HELLS: variants seen among roughly 807,000 people sequenced by gnomAD.
HELLS encodes lymphoid-specific helicase.
A neutral mutation model predicts 120.0 loss-of-function variants in HELLS; 32 were observed. The ratio of observed to expected loss-of-function variants is 0.27; its 90% CI spans 0.20 to 0.36. The LOEUF is 0.36. Ranked by LOEUF, HELLS falls within the 10% of genes least tolerant of loss-of-function variation. The pLI is 1.00. For missense variants in HELLS, 650 were observed against 993.4 expected, an observed-to-expected ratio of 0.65 and a Z score of 4.65; for synonymous variants, 341 against 323.4, an observed-to-expected ratio of 1.05 and a Z score of -0.58.
intron 7 of HELLS, 85 bp downstream of exon 7, chr10:94,571,514 C>T (rs564181080): frequency 2.5e-5 from 28 of 1,110,576 alleles, no homozygotes; most frequent in African/African-American, 3.2e-5. Flanking sequence ...CAGCAGTATA[C>T]GTTCTTCTCA....
chr10:94,567,520 A>T (rs1369727795), intron 6 of HELLS, among the ~76,000 whole-genome samples: 1 of 151,482 alleles, frequency 6.6e-6, no homozygotes, highest in Non-Finnish European at 1.5e-5. Flanking sequence ...CTGGTCTCGA[A>T]CTCCCGATCT....
chr10:94,576,276 G>C (rs983405552), intron 9 of HELLS, among the ~76,000 whole-genome samples: 3 of 152,046 alleles, frequency 2.0e-5, no homozygotes, highest in Admixed American at 2.0e-4. Flanking sequence ...ACTCCACTGG[G>C]TGAGTAGCTG....
At chr10:94,557,551 GAGAGAAT>G (rs1488248607) in intron 3 of HELLS, among the ~76,000 whole-genome samples, 1 of 152,298 alleles carries the variant, frequency 6.6e-6, no homozygotes, top group East Asian at 1.9e-4. Flanking sequence ...TACTTTGGCT[GAGAGAAT>G]GTGAGGTATA....
chr10:94,584,196 T>G (rs1304769029), intron 12 of HELLS: 1 of 524,976 alleles, frequency 1.9e-6, no homozygotes, highest in African/African-American at 2.0e-5. Context: ...GTTTATTGAC[T>G]ATTGGTAGTT....
intron 6 of HELLS, among the ~76,000 whole-genome samples, chr10:94,566,548 G>A (rs866972988): frequency 1.3e-5 from 2 of 152,252 alleles, no homozygotes; most frequent in East Asian, 1.9e-4. Context: ...AGTAAAGTAG[G>A]AAGCTATTGA....
Position 94,546,417 on chromosome 10 carries a change from T to C in HELLS, c.72T>C (p.Ala24=), listed in dbSNP as rs772100877. The C allele has an allele frequency of 3.7e-6, 6 of 1,614,068 alleles. No individual in the cohort carries two copies. Among genetic ancestry groups the C allele is most frequent in the Non-Finnish European group, 5.1e-6 (6 of 1,180,038 alleles). The change falls in exon 2 of 22, where the codon GCT becomes GCC. Residue 24 remains alanine, a synonymous_variant. Coordinates refer to ENST00000348459, the MANE Select transcript of HELLS (RefSeq NM_018063.5). ...APAMVEQLDT[A]VITPAMLEEE... The stretch of plus-strand genomic sequence containing the variant: ...CAATGGTTGAACAACTGGACACTGC[T>C]GTGATTACCCCGGCCATGCTAGAAG...
chr10:94,557,873 G>A (rs891234350), intron 3 of HELLS, among the ~76,000 whole-genome samples: 1 of 152,104 alleles, frequency 6.6e-6, no homozygotes, highest in Non-Finnish European at 1.5e-5. Flanking sequence ...CCTTGTTTCC[G>A]TTTTGTCAGT....
intron 6 of HELLS, among the ~76,000 whole-genome samples, chr10:94,563,323 T>A (rs1179079099): frequency 6.6e-6 from 1 of 152,194 alleles, no homozygotes; most frequent in East Asian, 1.9e-4. Flanking sequence ...CTTGAACTCC[T>A]GACTTAAGGT....
At chr10:94,607,589 A>G (rs1341458670) in intron 8 of HELLS, among the ~76,000 whole-genome samples, 1 of 152,198 alleles carries the variant, frequency 6.6e-6, no homozygotes, top group Non-Finnish European at 1.5e-5. Context: ...TCACTATTCC[A>G]TATTTTGAAG....
At chr10:94,576,213 A>C (rs377738814) in intron 9 of HELLS, among the ~76,000 whole-genome samples, 57 of 152,204 alleles carry the variant, frequency 3.7e-4, no homozygotes, top group African/African-American at 1.3e-3. Context: ...TCCCAGGCTC[A>C]TGTGAGCCTG....
At chr10:94,577,752 CCT>C (rs2134065201) in intron 10 of HELLS, 1 of 152,424 alleles carries the variant, frequency 6.6e-6, no homozygotes, top group Admixed American at 6.5e-5. Flanking sequence ...ATGACGAAAC[CCT>C]GTCTCCACTA....
At chr10:94,607,835 C>T (rs1241692007) in intron 8 of HELLS, 1 of 306,026 alleles carries the variant, frequency 3.3e-6, no homozygotes, top group Non-Finnish European at 6.7e-6. Flanking sequence ...TCCAGCGATT[C>T]TCCTGCATCA....
At chr10:94,556,545 A>G (rs1843272753) in intron 3 of HELLS, among the ~76,000 whole-genome samples, 1 of 152,206 alleles carries the variant, frequency 6.6e-6, no homozygotes, top group Non-Finnish European at 1.5e-5. Flanking sequence ...CATAACAATC[A>G]TGATAGTGGA....
intron 9 of HELLS, among the ~76,000 whole-genome samples, chr10:94,575,537 A>G (rs1844400639): frequency 6.6e-6 from 1 of 151,672 alleles, no homozygotes; most frequent in Non-Finnish European, 1.5e-5. Flanking sequence ...CTCTGTCACC[A>G]TGCTGGAGTG....
rs773891544 is a variant in HELLS, at chr10:94,592,250, A to C, written c.1789A>C (p.Asn597His). The C allele has an allele frequency of 3.1e-6, 5 of 1,611,734 alleles. No individual in the cohort carries two copies. The highest frequency in any genetic ancestry group is 4.2e-6 in the Non-Finnish European group (5 of 1,178,896). ...TAAGATCGATGAAGAATTGGTAACA[A>C]ATTCTGGGAAGTTCTTGATTTTGGA... is the stretch of plus-strand genomic sequence containing the variant. ...EFKIDEELVT[N>H]SGKFLILDRM... Residue 597 changes from asparagine (N) to histidine (H), a missense_variant, in exon 16 of 22, where the codon AAT (asparagine) becomes CAT (histidine). Around this residue, in one of 9 missense-constraint regions of HELLS, gnomAD observed 191 missense variants for 259.7 expected, o/e 0.74. Transcript: ENST00000348459.
At chr10:94,610,877 C>T (rs944681460) in exon 10 of HELLS, 4 of 152,298 alleles carry the variant, frequency 2.6e-5, no homozygotes, top group Admixed American at 1.3e-4. Flanking sequence ...GGGTGTGAGC[C>T]ACTGCACCTG....
At chr10:94,582,531 ATAT>A (rs1383376004) in intron 11 of HELLS, among the ~76,000 whole-genome samples, 2 of 152,182 alleles carry the variant, frequency 1.3e-5, no homozygotes, top group African/African-American at 4.8e-5. Context: ...ATAAGCATGT[ATAT>A]TATTGTCAAG....
At position 94,583,015 on chromosome 10, in the gene HELLS, A is replaced by G. The variant is rs932446229; in HGVS notation, c.1282A>G (p.Ile428Val). ...TSLSETAEDI[I>V]AKEREQNVLH... ...TCTTTCTGAAACTGCTGAAGATATT[A>G]TTGCTAAAGAAAGAGAACAGAATGT... Residue 428 changes from isoleucine (I) to valine (V), a missense_variant, in exon 12 of 22, where the codon ATT becomes GTT. Around this residue, in one of 9 missense-constraint regions of HELLS, gnomAD observed 48 missense variants for 127.0 expected, o/e 0.38. Transcript: ENST00000348459. The G allele has an allele frequency of 1.2e-6, 2 of 1,607,772 alleles. No individual in the cohort carries two copies. Among genetic ancestry groups the G allele is most frequent in the Non-Finnish European group, 1.7e-6 (2 of 1,176,756 alleles).
intron 3 of HELLS, among the ~76,000 whole-genome samples, chr10:94,554,891 G>A (rs1458444705): frequency 1.3e-5 from 2 of 152,126 alleles, no homozygotes; most frequent in Non-Finnish European, 2.9e-5. Context: ...GCTCACATCT[G>A]TAATCCCAGC....
Sources: gnomAD v4.1 joint callset for allele counts (sites outside exome capture counted in the v4.1 genomes callset) on GRCh38, gnomAD v4.1.1 for gene constraint, gnomAD v4.1.1 regional missense constraint, MANE v1.5 for transcripts, NCBI Gene and HGNC (gene_info 2026-07-23, HGNC 2026-07-21) for gene names.